ODR4: variants seen among roughly 807,000 people sequenced by gnomAD.
ODR4 encodes odr-4 GPCR localization factor homolog.
In ODR4, 47 loss-of-function variants were observed where a neutral mutation model predicts 60.2. The ratio of observed to expected loss-of-function variants is 0.78; its 90% CI spans 0.62 to 1.00. ODR4 has a LOEUF of 1.00. Ranked by LOEUF, ODR4 falls within the 50% of genes least tolerant of loss-of-function variation. The pLI, the probability that ODR4 is intolerant of heterozygous loss-of-function variation, is 0.00. For missense variants in ODR4, 488 were observed against 530.8 expected, an observed-to-expected ratio of 0.92 and a Z score of 0.79; for synonymous variants, 178 against 175.5, an observed-to-expected ratio of 1.01 and a Z score of -0.11.
chr1:186,383,213 CAAG>C lies in ODR4; in HGVS notation c.234+62_234+64del, dbSNP rs59694972. 1.2e-3 allele frequency: 1,764 copies of C among 1,505,684 alleles called. 23 individuals are homozygous for C. In the African/African-American group the frequency reaches 0.022, roughly 19 times the overall value. 93.3% of individuals were successfully genotyped at this position (1,505,684 alleles called of 1,614,324 possible). A position where few individuals can be genotyped will look rare whatever the true frequency, so the allele number is the denominator to read the frequency against. On this transcript the variant is annotated intron_variant, in intron 3 of 13. Transcript: ENST00000287859. Reference sequence around the variant, plus strand: ...TTTTATTTCAAAAAAGAGCTAGAATCAAGAAGATTTAGTGAATGAGTAGAGAGA... The same window carrying C: ...TTTTATTTCAAAAAAGAGCTAGAATCAAGATTTAGTGAATGAGTAGAGAGA...
At chr1:186,425,139 A>G (rs770345672), downstream of ODR4, among the ~76,000 whole-genome samples, 21 of 152,096 alleles carry the variant, frequency 1.4e-4, no homozygotes, top group Non-Finnish European at 2.2e-4. Flanking sequence ...TTAAAGTCTC[A>G]TCTCAATATG....
chr1:186,414,481 T>C (rs940140247), intron 12 of ODR4, among the ~76,000 whole-genome samples: 2 of 151,826 alleles, frequency 1.3e-5, no homozygotes, highest in East Asian at 1.9e-4. Flanking sequence ...TTATCTGATA[T>C]AAGGATTTTA....
chr1:186,383,224 A>G (rs1660110157), intron 3 of ODR4, 68 bp downstream of exon 3: 12 of 1,464,344 alleles, frequency 8.2e-6, no homozygotes, highest in Non-Finnish European at 1.1e-5. Flanking sequence ...AAGAAGATTT[A>G]GTGAATGAGT....
chr1:186,403,233 C>A (rs1442477682), intron 11 of ODR4, among the ~76,000 whole-genome samples: 1 of 151,654 alleles, frequency 6.6e-6, no homozygotes, highest in Non-Finnish European at 1.5e-5. Flanking sequence ...AATGTAAATT[C>A]TTTAAAAAAA....
Position 186,391,787 on chromosome 1 carries a change from G to T in ODR4, c.707G>T (p.Gly236Val). ...GATGAAGATTGTGACCTATTAGAAG[G>T]ACAGGTAAGTTAAGAGAAAATCATC... Reference protein sequence around the residue: ...VKDEDCDLLEGQKKSSRGNTQ... With the variant: ...VKDEDCDLLEVQKKSSRGNTQ... Residue 236 changes from glycine to valine, a missense_variant, in exon 8 of 14, where the codon GGA becomes GTA. By Grantham distance (109) the Gly-to-Val change is moderately radical. Coordinates refer to ENST00000287859, the MANE Select transcript of ODR4 (RefSeq NM_017847.6). The T allele has an allele frequency of 1.3e-6, 2 of 1,560,694 alleles. No individual in the cohort carries two copies. The highest frequency in any genetic ancestry group is 1.8e-6 in the Non-Finnish European group (2 of 1,137,836).
Position 186,387,389 on chromosome 1 carries a change from A to C in ODR4, c.331-1053A>C, listed in dbSNP as rs573757943. 6.6e-5 allele frequency among the ~76,000 whole-genome samples: 10 copies of C among 152,340 alleles called. No homozygotes were observed. In the South Asian group the frequency reaches 2.1e-3, roughly 32 times the overall value. The stretch of plus-strand genomic sequence containing the variant: ...TTAATATTAATAGCATTCATTGTGC[A>C]ACCTTTTTTGGCTGGTGCTGAATTG... On this transcript the variant is annotated intron_variant, in intron 4 of 13. Transcript: ENST00000287859.
chr1:186,434,664 C>A, the ODR4 span, among the ~76,000 whole-genome samples: 3 of 152,158 alleles, frequency 2.0e-5, no homozygotes, highest in South Asian at 6.2e-4. Flanking sequence ...AAAATGACAT[C>A]TTTATTTATT....
chr1:186,411,860 C>T, intron 12 of ODR4: 1 of 976,426 alleles, frequency 1.0e-6, no homozygotes. Flanking sequence ...ATTACAAGAA[C>T]AAAGGAAGCA....
chr1:186,384,842 A>G lies in ODR4; in HGVS notation c.235-1146A>G, dbSNP rs1222156773. 2.6e-5 allele frequency among the ~76,000 whole-genome samples: 4 copies of G among 152,140 alleles called. No homozygotes were observed. In the East Asian group the frequency reaches 7.7e-4, roughly 29 times the overall value. ...TTTATTAAATCAGAGGAAAACACCG[A>G]AAGACATAGTGCAAGTAGATTAAGG... On this transcript the variant is annotated intron_variant, in intron 3 of 13. Coordinates refer to ENST00000287859, the MANE Select transcript of ODR4 (RefSeq NM_017847.6).
intron 13 of ODR4, 143 bp from the exon 14 acceptor site, chr1:186,418,866 A>G: frequency 1.5e-6 from 1 of 671,030 alleles, no homozygotes. Flanking sequence ...TTTAGTATAT[A>G]CATATGTATG....
At chr1:186,426,655 A>G in the ODR4 span, among the ~76,000 whole-genome samples, 1 of 152,232 alleles carries the variant, frequency 6.6e-6, no homozygotes, top group Middle Eastern at 3.2e-3. Flanking sequence ...GAGAGGAAAA[A>G]GAAGCCCATA....
At chr1:186,384,060 C>G (rs536040678) in intron 3 of ODR4, among the ~76,000 whole-genome samples, 9 of 152,130 alleles carry the variant, frequency 5.9e-5, no homozygotes, top group African/African-American at 2.2e-4. Context: ...ACGAAGAAAT[C>G]CAGTATTTAA....
intron 2 of ODR4, among the ~76,000 whole-genome samples, chr1:186,381,332 C>CTT (rs752239468): frequency 1.4e-5 from 2 of 144,592 alleles, no homozygotes. Context: ...GGCCTTCCTT[C>CTT]TTTTTTTTTT....
the ODR4 span, among the ~76,000 whole-genome samples, chr1:186,429,197 G>C: frequency 6.6e-6 from 1 of 152,070 alleles, no homozygotes; most frequent in Admixed American, 6.6e-5. Flanking sequence ...GCTGCAGTGA[G>C]CCATGATTGT....
the ODR4 span, among the ~76,000 whole-genome samples, chr1:186,434,121 A>T: frequency 2.7e-5 from 4 of 150,114 alleles, no homozygotes; most frequent in African/African-American, 1.0e-4. Context: ...GTACTGTACC[A>T]TTTTATAGTT....
intron 8 of ODR4, among the ~76,000 whole-genome samples, chr1:186,393,391 G>T (rs1237379392): frequency 6.6e-6 from 1 of 152,168 alleles, no homozygotes; most frequent in African/African-American, 2.4e-5. Flanking sequence ...CTGCTGACCT[G>T]CAACCAAAGG....
At chr1:186,393,873 A>AC (rs1660564388) in intron 8 of ODR4, 74 bp from the exon 9 acceptor site, 1 of 784,318 alleles carries the variant, frequency 1.3e-6, no homozygotes, top group African/African-American at 1.8e-5. Context: ...TAGTATATGT[A>AC]CAATAGTTTA....
the ODR4 span, among the ~76,000 whole-genome samples, chr1:186,430,935 A>T: frequency 1.3e-5 from 2 of 151,702 alleles, no homozygotes; most frequent in African/African-American, 4.8e-5. Context: ...TACTGTGCAT[A>T]TACAGATTAA....
chr1:186,424,624 C>T (rs1264383339), downstream of ODR4, among the ~76,000 whole-genome samples: 1 of 151,812 alleles, frequency 6.6e-6, no homozygotes, highest in Non-Finnish European at 1.5e-5. Flanking sequence ...TTTTGCGCCA[C>T]ATGATGGTGA....
Sources: allele counts gnomAD v4.1 joint callset (sites outside exome capture counted in the v4.1 genomes callset), GRCh38; gene constraint gnomAD v4.1.1; transcripts MANE v1.5; gene names NCBI Gene and HGNC (gene_info 2026-07-23, HGNC 2026-07-21).